Variants in USP42 observed in about 807,000 individuals in gnomAD.
USP42 encodes ubiquitin specific peptidase 42.
A neutral mutation model predicts 113.0 loss-of-function variants in USP42; 23 were observed. The ratio of observed to expected loss-of-function variants is 0.20; its 90% CI spans 0.15 to 0.29. The LOEUF (loss-of-function observed/expected upper bound fraction) is 0.29, where lower values mean the gene tolerates loss of function less well. Among genes scored for constraint, USP42 ranks in the 10% least tolerant of loss-of-function variants. The probability of loss-of-function intolerance (pLI) is 1.00; values close to 1 mark genes in which losing one functional copy is unlikely to be tolerated. For missense variants in USP42, 2,174 were observed against 1,779.8 expected, an observed-to-expected ratio of 1.22 and a Z score of -3.99; for synonymous variants, 933 against 699.0, an observed-to-expected ratio of 1.33 and a Z score of -5.28.
At chr7:6,093,400 C>G in the USP42 span, among the ~76,000 whole-genome samples, 4 of 150,428 alleles carry the variant, frequency 2.7e-5, no homozygotes, top group Non-Finnish European at 5.9e-5. Context: ...ATTCTCATGC[C>G]TCAGATTCCC....
intron 1 of USP42, among the ~76,000 whole-genome samples, chr7:6,110,077 G>C (rs1358926892): frequency 6.6e-6 from 1 of 151,272 alleles, no homozygotes; most frequent in Non-Finnish European, 1.5e-5. Context: ...CAAGCGATCT[G>C]CCCACCTTGG....
intron 4 of USP42, 102 bp from the exon 5 acceptor site, chr7:6,138,990 G>C: frequency 1.4e-6 from 1 of 698,334 alleles, no homozygotes. Context: ...AAGTATTTGG[G>C]AGTTTTCCAA....
In USP42 at chr7:6,153,893, A is replaced by G; in HGVS notation, c.2339A>G (p.Asp780Gly). The part of the protein sequence containing the change: ...SSTKKAPPPR[D>G]PGTPATKEGA... ...ACCAAGAAGGCTCCGCCGCCCCGCG[A>G]TCCCGGCACCCCCGCTACCAAAGAA... is the stretch of plus-strand genomic sequence containing the variant. Residue 780 changes from aspartate to glycine, a missense_variant, in exon 15 of 18, where the codon GAT (aspartate) becomes GGT (glycine). By Grantham distance (94) the Asp-to-Gly change is moderately conservative (BLOSUM62 -1). Coordinates refer to ENST00000306177, the MANE Select transcript of USP42 (RefSeq NM_032172.3). 1.3e-6 allele frequency: 2 copies of G among 1,584,462 alleles called. No homozygotes were observed. Among genetic ancestry groups the G allele is most frequent in the South Asian group, 1.1e-5 (1 of 88,040 alleles).
At position 6,150,192 on chromosome 7, in the gene USP42, G is replaced by A. The variant is rs200418298; in HGVS notation, c.1996G>A (p.Asp666Asn). Residue 666 changes from aspartate to asparagine, a missense_variant, in exon 13 of 18, where the codon GAC (aspartate) becomes AAC (asparagine). Asp to Asn is a conservative substitution (Grantham distance 23, BLOSUM62 1). Coordinates refer to ENST00000306177, the MANE Select transcript of USP42 (RefSeq NM_032172.3). ...TLNGANSADS[D>N]SDPKENGLAP... Reference sequence around the variant, plus strand: ...AAACGGTGCTAATAGTGCAGACAGCGACAGTGACCCGAAAGAAAACGGCCT... The same window carrying A: ...AAACGGTGCTAATAGTGCAGACAGCAACAGTGACCCGAAAGAAAACGGCCT... 2.9e-5 allele frequency: 47 copies of A among 1,613,922 alleles called. No individual in the cohort carries two copies. The highest frequency in any genetic ancestry group is 4.5e-5 in the East Asian group (2 of 44,888).
At chr7:6,114,463 CATT>C (rs1232523382) in intron 2 of USP42, among the ~76,000 whole-genome samples, 1 of 151,746 alleles carries the variant, frequency 6.6e-6, no homozygotes, top group Non-Finnish European at 1.5e-5. Flanking sequence ...CTCCCCACGA[CATT>C]ATCTCAAATC....
intron 15 of USP42, among the ~76,000 whole-genome samples, chr7:6,155,414 C>G (rs1397061606): frequency 6.6e-6 from 1 of 152,130 alleles, no homozygotes; most frequent in South Asian, 2.1e-4. Flanking sequence ...TTCATGGTGT[C>G]GTTAAATGCC....
At chr7:6,084,108 C>G in the USP42 span, among the ~76,000 whole-genome samples, 2 of 151,284 alleles carry the variant, frequency 1.3e-5, no homozygotes, top group Non-Finnish European at 2.9e-5. Context: ...CTCACTGCAA[C>G]CTCCGCCTCT....
Position 6,139,915 on chromosome 7 carries a change from G to A in USP42, c.657-213G>A, listed in dbSNP as rs1369331782. On this transcript the variant is annotated intron_variant, in intron 5 of 17. Coordinates refer to ENST00000306177, the MANE Select transcript of USP42 (RefSeq NM_032172.3). This position sits in a 1 kb window ranked among gnomAD's most constrained non-coding sequence, Gnocchi z 4.5. ...CTTCCTGACAGACACAGCTCCCACA[G>A]CTCTGCGTCTCCTCCCGCCACTCCC... 2 of 593,116 alleles carry A rather than the reference G, an allele frequency of 3.4e-6. No individual in the cohort carries two copies. The highest frequency in any genetic ancestry group is 3.7e-5 in the African/African-American group (2 of 53,392). 36.7% of individuals were successfully genotyped at this position (593,116 alleles called of 1,614,324 possible).
At chr7:6,135,265 T>G (rs561964669) in intron 3 of USP42, among the ~76,000 whole-genome samples, 2 of 152,336 alleles carry the variant, frequency 1.3e-5, no homozygotes, top group African/African-American at 4.8e-5. Context: ...ATAATAACTC[T>G]TTGACATTGG....
chr7:6,118,100 T>C (rs1482640560), intron 3 of USP42, among the ~76,000 whole-genome samples: 1 of 152,116 alleles, frequency 6.6e-6, no homozygotes, highest in East Asian at 1.9e-4. Flanking sequence ...CTGTAGGTGT[T>C]TTAAGAAATC....
chr7:6,137,131 A>G (rs1019165283), intron 4 of USP42, among the ~76,000 whole-genome samples: 1 of 152,216 alleles, frequency 6.6e-6, no homozygotes, highest in Admixed American at 6.5e-5. Context: ...ACAAAACTAT[A>G]ACTCTTAATC....
At chr7:6,118,992 A>T (rs1780062897) in intron 3 of USP42, among the ~76,000 whole-genome samples, 1 of 151,662 alleles carries the variant, frequency 6.6e-6, no homozygotes, top group Non-Finnish European at 1.5e-5. Flanking sequence ...AGGCAGGAGG[A>T]CTGTTTGAAC....
chr7:6,149,062 C>T (rs1226632581), intron 12 of USP42, among the ~76,000 whole-genome samples: 2 of 152,192 alleles, frequency 1.3e-5, no homozygotes, highest in African/African-American at 4.8e-5. Flanking sequence ...GGTGCAGCAG[C>T]CATGGGGGAA....
chr7:6,118,856 A>G (rs755455967), intron 3 of USP42, among the ~76,000 whole-genome samples: 6 of 152,140 alleles, frequency 3.9e-5, no homozygotes, highest in Non-Finnish European at 7.3e-5. Context: ...TCTGGACTCT[A>G]TTATGTTGTA....
chr7:6,083,882 G>A, the USP42 span, among the ~76,000 whole-genome samples: 6 of 150,974 alleles, frequency 4.0e-5, 1 homozygote, highest in Admixed American at 6.6e-5. Flanking sequence ...GGGGTCTCTA[G>A]CAAGGATAGA....
rs1024928970 is a variant in USP42 at position 6,122,182 on chromosome 7, A to G, written c.442+6659A>G. ...GGAGTCTTAGGTCATTTGATTTGAG[A>G]TCTTTCTTCTTTTCCAATGTAAGTG... On this transcript the variant is annotated intron_variant, in intron 3 of 17. Transcript: ENST00000306177. 3.3e-5 allele frequency among the ~76,000 whole-genome samples: 5 copies of G among 151,110 alleles called. No individual in the cohort carries two copies. The South Asian group carries it at 8.4e-4, about 25-fold the overall frequency.
At chr7:6,101,816 C>T (rs949177400), upstream of USP42, among the ~76,000 whole-genome samples, 2 of 150,826 alleles carry the variant, frequency 1.3e-5, no homozygotes, top group African/African-American at 2.5e-5. Flanking sequence ...CAGTGGCTCA[C>T]GCCTGCAATC....
At chr7:6,091,183 G>C in the USP42 span, among the ~76,000 whole-genome samples, 1 of 150,956 alleles carries the variant, frequency 6.6e-6, no homozygotes, top group South Asian at 2.1e-4. Context: ...TCAGTACATA[G>C]AGATTAACTA....
At chr7:6,124,562 C>G (rs1780421115) in intron 3 of USP42, among the ~76,000 whole-genome samples, 1 of 152,170 alleles carries the variant, frequency 6.6e-6, no homozygotes, top group South Asian at 2.1e-4. Context: ...CCGTGCCCAG[C>G]TTTAAAGTGG....
Sources: allele counts gnomAD v4.1 joint callset (sites outside exome capture counted in the v4.1 genomes callset), GRCh38; gene constraint gnomAD v4.1.1; non-coding constraint Gnocchi (gnomAD v3.1); transcripts MANE v1.5; gene names NCBI Gene and HGNC (gene_info 2026-07-23, HGNC 2026-07-21).